The following ZZEF1 variants were observed in gnomAD, a reference collection of about 807,000 sequenced individuals.
ZZEF1 encodes the protein zinc finger ZZ-type and EF-hand domain containing 1.
A neutral mutation model predicts 342.8 loss-of-function variants in ZZEF1; 157 were observed. That is an observed-to-expected ratio of 0.46 (90% CI 0.40 to 0.52). The LOEUF (loss-of-function observed/expected upper bound fraction) is 0.52, where lower values mean the gene tolerates loss of function less well. Ranked by LOEUF, ZZEF1 falls within the 20% of genes least tolerant of loss-of-function variation. The pLI, the probability that ZZEF1 is intolerant of heterozygous loss-of-function variation, is 0.00. For synonymous variants in ZZEF1, 1,505 were observed against 1,429.1 expected (o/e 1.05, Z -1.20); for missense variants, 3,480 against 3,725.6 (o/e 0.93, Z 1.72).
At chr17:4,108,286 A>C (rs2058243752) in intron 6 of ZZEF1, among the ~76,000 whole-genome samples, 1 of 152,228 alleles carries the variant, frequency 6.6e-6, no homozygotes, top group Admixed American at 6.5e-5. Flanking sequence ...CATCACTTCT[A>C]TGATATTCCT....
chr17:4,123,875 G>A (rs1018480657), intron 2 of ZZEF1, 32 bp downstream of exon 2: 19 of 1,606,226 alleles, frequency 1.2e-5, no homozygotes, highest in Non-Finnish European at 1.4e-5. Flanking sequence ...GTTCACTTTG[G>A]TTCTAAGACA....
At chr17:4,093,098 T>C (rs563788294) in intron 11 of ZZEF1, among the ~76,000 whole-genome samples, 2 of 152,050 alleles carry the variant, frequency 1.3e-5, no homozygotes, top group South Asian at 2.1e-4. Flanking sequence ...GCTAAAATCA[T>C]TAAGGGAGTG....
chr17:4,112,864 G>A (rs930701024), intron 4 of ZZEF1, 56 bp from the exon 5 acceptor site: 1 of 1,418,746 alleles, frequency 7.0e-7, no homozygotes. Context: ...AGAACTGACA[G>A]GATCCAGAAG....
chr17:4,013,990 C>T (rs2056034470), intron 51 of ZZEF1, 100 bp downstream of exon 51: 1 of 1,148,702 alleles, frequency 8.7e-7, no homozygotes, highest in Non-Finnish European at 1.3e-6. Flanking sequence ...AGACAAGTAC[C>T]TGCTTTGATT....
intron 4 of ZZEF1, among the ~76,000 whole-genome samples, chr17:4,113,121 C>T (rs2058341209): frequency 6.6e-6 from 1 of 152,076 alleles, no homozygotes; most frequent in Admixed American, 6.5e-5. Flanking sequence ...AAACTGCATA[C>T]AAAAAAACTG....
intron 9 of ZZEF1, 88 bp from the exon 10 acceptor site, chr17:4,096,788 G>A: frequency 1.7e-5 from 18 of 1,034,958 alleles, no homozygotes; most frequent in Non-Finnish European, 2.7e-5. Flanking sequence ...CATATCCTTT[G>A]AGTCATGGGG....
rs2057851145 is a variant in ZZEF1, at chr17:4,087,339, G to A, written c.2342+95C>T. On this transcript the variant is annotated intron_variant, in intron 14 of 54. Coordinates refer to ENST00000381638, the MANE Select transcript of ZZEF1 (RefSeq NM_015113.4). ...ATCGAACCATAAACACTGGTAGGAA[G>A]TAAAAAAAAAATTAGGAAAAAAATC... 6.4e-6 allele frequency: 6 copies of A among 931,516 alleles called. No individual in the cohort carries two copies. The South Asian group carries it at 9.9e-5, about 15-fold the overall frequency. 57.7% of individuals were successfully genotyped at this position (931,516 alleles called of 1,614,324 possible).
chr17:4,129,801 G>A (rs2058635026), intron 1 of ZZEF1, among the ~76,000 whole-genome samples: 1 of 151,862 alleles, frequency 6.6e-6, no homozygotes, highest in Non-Finnish European at 1.5e-5. Context: ...AAGAAAATAT[G>A]GTACATATAC....
chr17:4,010,233 G>C (rs1189504037), intron 52 of ZZEF1, among the ~76,000 whole-genome samples: 1 of 151,814 alleles, frequency 6.6e-6, no homozygotes. Context: ...GTGTGTGACA[G>C]CACCCAGCTA....
chr17:4,068,475 C>T (rs989249108), intron 26 of ZZEF1, among the ~76,000 whole-genome samples: 10 of 152,140 alleles, frequency 6.6e-5, no homozygotes, highest in Admixed American at 2.6e-4. Flanking sequence ...TTAGTAGTGA[C>T]AGGGTTTCAT....
At position 4,004,803 on chromosome 17, in the gene ZZEF1, C is replaced by T. The variant is rs2055768375; in HGVS notation, c.*2087G>A. The stretch of plus-strand genomic sequence containing the variant: ...GGCGGCTCTGGCTCGGCAGCGCCAC[C>T]CGGTGGCCGGAGACAGAGGCGGCCG... On this transcript the variant is annotated 3_prime_UTR_variant, in exon 55 of 55. Coordinates refer to ENST00000381638, the MANE Select transcript of ZZEF1 (RefSeq NM_015113.4). 1 of 152,258 alleles carries T rather than the reference C, an allele frequency of 6.6e-6. No homozygotes were observed. The highest frequency in any genetic ancestry group is 6.5e-5 in the Admixed American group (1 of 15,296). 9.4% of individuals were successfully genotyped at this position (152,258 alleles called of 1,614,324 possible).
intron 53 of ZZEF1, 75 bp downstream of exon 53, chr17:4,009,529 G>T: frequency 6.3e-7 from 1 of 1,597,136 alleles, no homozygotes; most frequent in Non-Finnish European, 8.5e-7. Context: ...TGAGGCAGCA[G>T]CTTCTGCCCT....
chr17:4,048,712 C>CT (rs1051842955), intron 37 of ZZEF1, among the ~76,000 whole-genome samples: 8 of 151,672 alleles, frequency 5.3e-5, no homozygotes, highest in Non-Finnish European at 7.4e-5. Flanking sequence ...CTAGGAATGA[C>CT]TTTTTTTTGG....
chr17:4,105,141 CTAAAA>C (rs1009882439), intron 7 of ZZEF1, among the ~76,000 whole-genome samples: 1 of 152,170 alleles, frequency 6.6e-6, no homozygotes, highest in Admixed American at 6.5e-5. Context: ...GCTTGAAGCA[CTAAAA>C]ATGTATCACA....
intron 3 of ZZEF1, among the ~76,000 whole-genome samples, chr17:4,115,570 C>A (rs1427649796): frequency 2.6e-5 from 4 of 151,992 alleles, no homozygotes; most frequent in African/African-American, 4.8e-5. Flanking sequence ...GGCTAAAGCA[C>A]AAGAATTGCT....
chr17:4,073,753 TTTAAAACAAAATCCA>T (rs1213904254), intron 24 of ZZEF1, among the ~76,000 whole-genome samples: 4 of 152,178 alleles, frequency 2.6e-5, no homozygotes, highest in Admixed American at 6.5e-5. Flanking sequence ...AATGAATCAC[TTTAAAACAAAATCCA>T]TAGTCACATA....
chr17:4,033,720 T>G (rs971420264), intron 40 of ZZEF1: 2 of 380,448 alleles, frequency 5.3e-6, no homozygotes, highest in Non-Finnish European at 9.6e-6. Context: ...CAGATTTATT[T>G]GCTTCAACCT....
chr17:4,009,345 G>C (rs919254756), intron 53 of ZZEF1: 1 of 588,336 alleles, frequency 1.7e-6, no homozygotes, highest in Non-Finnish European at 3.0e-6. Flanking sequence ...AAAACTCACT[G>C]TTGTCAAGGG....
chr17:4,142,413 TG>T, intron 1 of ZZEF1, 128 bp downstream of exon 1: 2 of 979,716 alleles, frequency 2.0e-6, no homozygotes, highest in Non-Finnish European at 3.0e-6. Context: ...AGCAAACGCC[TG>T]GTGAAAAGCT....
Sources: gnomAD v4.1 joint callset for allele counts (sites outside exome capture counted in the v4.1 genomes callset) on GRCh38, gnomAD v4.1.1 for gene constraint, MANE v1.5 for transcripts, NCBI Gene and HGNC (gene_info 2026-07-23, HGNC 2026-07-21) for gene names.